The following LRP1B variants were observed in gnomAD, a reference collection of about 807,000 sequenced individuals.
LRP1B encodes the protein LDL receptor related protein 1B, also known as low-density lipoprotein receptor-related protein 1B.
In LRP1B, 217 loss-of-function variants were observed where a neutral mutation model predicts 556.6. That is an observed-to-expected ratio of 0.39 (90% confidence interval 0.35 to 0.44). The LOEUF is 0.44. LRP1B is among the 20% of genes least tolerant of loss of function. The probability of loss-of-function intolerance (pLI) is 1.00; values close to 1 mark genes in which losing one functional copy is unlikely to be tolerated. For synonymous variants in LRP1B, 2,047 were observed against 1,865.8 expected (o/e 1.10, Z -2.50); for missense variants, 5,053 against 5,620.8 (o/e 0.90, Z 3.23).
chr2:141,099,445 A>C (rs2104934613), intron 7 of LRP1B, among the ~76,000 whole-genome samples: 1 of 150,808 alleles, frequency 6.6e-6, no homozygotes, highest in South Asian at 2.1e-4. Context: ...CCCAAAGCAC[A>C]GAGACTAGAT....
intron 2 of LRP1B, among the ~76,000 whole-genome samples, chr2:141,799,951 T>C (rs1199281041): frequency 6.6e-6 from 1 of 152,154 alleles, no homozygotes; most frequent in Non-Finnish European, 1.5e-5. Flanking sequence ...ATTATACATT[T>C]ATTACCACAG....
At position 140,710,180 on chromosome 2, in the gene LRP1B, C is replaced by T. The variant is rs116608696; in HGVS notation, c.6023+5793G>A. Reference sequence around the variant, plus strand: ...AATCAAAAATATTTACTGAGATCCTCCTGCTGAGTCAGTGCTGAGCTGGTA... The same window carrying T: ...AATCAAAAATATTTACTGAGATCCTTCTGCTGAGTCAGTGCTGAGCTGGTA... On this transcript the variant is annotated intron_variant, in intron 37 of 90. Transcript: ENST00000389484. Among the ~76,000 whole-genome samples, 989 of 152,046 alleles carry T rather than the reference C, an allele frequency of 6.5e-3. 5 individuals carry two copies. The highest frequency in any genetic ancestry group is 0.023 in the African/African-American group (941 of 41,494).
intron 41 of LRP1B, among the ~76,000 whole-genome samples, chr2:140,664,118 G>A (rs1292281970): frequency 2.0e-5 from 3 of 152,080 alleles, no homozygotes; most frequent in Non-Finnish European, 2.9e-5. Context: ...CCTCAAAATG[G>A]TTACAATAGT....
At chr2:141,192,094 A>C in intron 6 of LRP1B, among the ~76,000 whole-genome samples, 1 of 151,960 alleles carries the variant, frequency 6.6e-6, no homozygotes, top group East Asian at 1.9e-4. Context: ...CCAAACACTT[A>C]GTAACTATGG....
chr2:141,280,861 G>C (rs1035211862), intron 3 of LRP1B, among the ~76,000 whole-genome samples: 1 of 151,984 alleles, frequency 6.6e-6, no homozygotes. Flanking sequence ...TAGCTGATTA[G>C]AGAGTTTGCC....
At chr2:141,244,855 C>T (rs1287291465) in intron 5 of LRP1B, among the ~76,000 whole-genome samples, 1 of 151,980 alleles carries the variant, frequency 6.6e-6, no homozygotes, top group Non-Finnish European at 1.5e-5. Context: ...CCCATGGTAA[C>T]TGCATATTTT....
At chr2:140,629,007 C>G (rs1425848045) in intron 41 of LRP1B, among the ~76,000 whole-genome samples, 1 of 151,992 alleles carries the variant, frequency 6.6e-6, no homozygotes, top group African/African-American at 2.4e-5. Context: ...GAACTTTAAA[C>G]CAACTATACC....
chr2:140,872,074 G>T (rs375840381), intron 25 of LRP1B, among the ~76,000 whole-genome samples: 1,374 of 113,400 alleles, frequency 0.012, 19 homozygotes, highest in African/African-American at 0.035. Context: ...TCTCTCCTAG[G>T]ACCTTGTATT....
chr2:140,610,241 G>A (rs772936052), intron 41 of LRP1B, among the ~76,000 whole-genome samples: 2 of 152,230 alleles, frequency 1.3e-5, no homozygotes, highest in African/African-American at 4.8e-5. Flanking sequence ...GACAGGGAAC[G>A]TGACTGTCTT....
intron 35 of LRP1B, among the ~76,000 whole-genome samples, chr2:140,729,583 T>G (rs2105494116): frequency 6.6e-6 from 1 of 152,262 alleles, no homozygotes; most frequent in African/African-American, 2.4e-5. Context: ...TTTAAAAAAT[T>G]GTTTTAATGT....
At position 141,101,511 on chromosome 2, in the gene LRP1B, GC is replaced by G. The variant is rs142134099; in HGVS notation, c.1014-39239del. The stretch of plus-strand genomic sequence containing the variant: ...AATACATTAATAAGAGAATAAAAGG[GC>G]ATATTTGACATCACATGGTTGAATT... On this transcript the variant is annotated intron_variant, in intron 7 of 90. Coordinates refer to ENST00000389484, the MANE Select transcript of LRP1B (RefSeq NM_018557.3). Among the ~76,000 whole-genome samples the G allele has an allele frequency of 8.1e-3, 1,235 of 152,036 alleles. 18 individuals carry two copies. Among genetic ancestry groups the G allele is most frequent in the African/African-American group, 0.029 (1,187 of 41,450 alleles).
intron 2 of LRP1B, among the ~76,000 whole-genome samples, chr2:141,545,603 A>T (rs763731967): frequency 2.6e-5 from 4 of 152,170 alleles, no homozygotes; most frequent in Non-Finnish European, 4.4e-5. Flanking sequence ...ACAGCGCTTC[A>T]GGAGGCCAAA....
Position 140,851,882 on chromosome 2 carries a change from A to G in LRP1B, c.4580-99T>C, listed in dbSNP as rs991824551. ...TTATTCACCTAATGATTCAAAGTAA[A>G]GTTTCCTACATAGAACCCATTAGTA... On this transcript the variant is annotated intron_variant, in intron 27 of 90. Coordinates refer to ENST00000389484, the MANE Select transcript of LRP1B (RefSeq NM_018557.3). The G allele has an allele frequency of 2.7e-5, 29 of 1,093,068 alleles. No individual in the cohort carries two copies. In the African/African-American group the frequency reaches 4.3e-4, roughly 16 times the overall value. The allele number at this position is 1,093,068 out of a possible 1,614,324, so 67.7% of individuals were successfully genotyped here. A position where few individuals can be genotyped will look rare whatever the true frequency, so the allele number is the denominator to read the frequency against.
intron 2 of LRP1B, among the ~76,000 whole-genome samples, chr2:141,530,849 A>G (rs991662324): frequency 2.6e-5 from 4 of 151,164 alleles, no homozygotes; most frequent in African/African-American, 7.4e-5. Flanking sequence ...AGGAATAAAG[A>G]AAGTTCAGTA....
At chr2:140,714,457 C>T (rs1687141783) in intron 37 of LRP1B, among the ~76,000 whole-genome samples, 1 of 151,914 alleles carries the variant, frequency 6.6e-6, no homozygotes, top group African/African-American at 2.4e-5. Context: ...TAAGGGTCTA[C>T]AATGGATTTG....
chr2:141,620,346 C>T (rs1467409679), intron 2 of LRP1B, among the ~76,000 whole-genome samples: 1 of 152,236 alleles, frequency 6.6e-6, no homozygotes, highest in Non-Finnish European at 1.5e-5. Flanking sequence ...TCTCTTTGAA[C>T]AGCTTTTAAC....
chr2:141,022,942 A>T (rs75797151), intron 11 of LRP1B, among the ~76,000 whole-genome samples: 2,143 of 152,010 alleles, frequency 0.014, 68 homozygotes, highest in East Asian at 0.12. Flanking sequence ...AATCTCCCTT[A>T]GCTTTCACAA....
At chr2:140,917,063 A>T (rs2105248194) in intron 21 of LRP1B, among the ~76,000 whole-genome samples, 1 of 152,350 alleles carries the variant, frequency 6.6e-6, no homozygotes, top group East Asian at 1.9e-4. Context: ...TATTAAAAGC[A>T]ATTTAATGGC....
chr2:140,488,265 T>C (rs1225289141), intron 57 of LRP1B, among the ~76,000 whole-genome samples: 2 of 152,040 alleles, frequency 1.3e-5, no homozygotes, highest in African/African-American at 4.8e-5. Context: ...ATAAAAGAGC[T>C]GCCTTTCTTC....
Sources: allele counts gnomAD v4.1 joint callset (sites outside exome capture counted in the v4.1 genomes callset), GRCh38; gene constraint gnomAD v4.1.1; transcripts MANE v1.5; gene names NCBI Gene and HGNC (gene_info 2026-07-23, HGNC 2026-07-21).